Variants in SKAP2 observed in about 807,000 individuals in gnomAD.
The protein encoded by SKAP2 is src kinase associated phosphoprotein 2.
SKAP2 carries 28 observed loss-of-function variants against 54.9 expected under a neutral mutation model. The ratio of observed to expected loss-of-function variants is 0.51; its 90% CI spans 0.38 to 0.70. The LOEUF is 0.70. Among genes scored for constraint, SKAP2 ranks in the 30% least tolerant of loss-of-function variants. The pLI is 0.00. For missense variants in SKAP2, 356 were observed against 424.1 expected, an observed-to-expected ratio of 0.84 and a Z score of 1.41; for synonymous variants, 137 against 134.3, an observed-to-expected ratio of 1.02 and a Z score of -0.14.
chr7:26,688,268 A>G (rs1451634083), intron 10 of SKAP2, among the ~76,000 whole-genome samples: 1 of 152,188 alleles, frequency 6.6e-6, no homozygotes, highest in African/African-American at 2.4e-5. Flanking sequence ...AAAAAAATCA[A>G]ATGGAATCTT....
At chr7:26,824,942 C>T (rs1224523130) in intron 4 of SKAP2, among the ~76,000 whole-genome samples, 1 of 152,074 alleles carries the variant, frequency 6.6e-6, no homozygotes, top group Non-Finnish European at 1.5e-5. Context: ...AGAAAGAACT[C>T]CAGAGCATTA....
chr7:26,839,598 ATTT>A (rs1366961616), intron 4 of SKAP2, among the ~76,000 whole-genome samples: 1 of 151,918 alleles, frequency 6.6e-6, no homozygotes, highest in Non-Finnish European at 1.5e-5. Context: ...TTATTGAAAA[ATTT>A]TTTTTCTAGT....
intron 4 of SKAP2, among the ~76,000 whole-genome samples, chr7:26,832,126 C>T (rs1204466654): frequency 1.3e-5 from 2 of 152,186 alleles, no homozygotes; most frequent in African/African-American, 4.8e-5. Flanking sequence ...TAGCTTCTTC[C>T]TTCTTTAACC....
At chr7:26,661,353 G>A in the SKAP2 span, among the ~76,000 whole-genome samples, 4 of 152,070 alleles carry the variant, frequency 2.6e-5, no homozygotes, top group Non-Finnish European at 2.9e-5. Flanking sequence ...ACTAGAAAGT[G>A]TGTATTCACA....
intron 4 of SKAP2, among the ~76,000 whole-genome samples, chr7:26,751,794 C>G (rs894485088): frequency 1.3e-5 from 2 of 151,710 alleles, no homozygotes; most frequent in East Asian, 3.9e-4. Flanking sequence ...CCTTCTCCCC[C>G]CAAAAAGCAT....
intron 4 of SKAP2, among the ~76,000 whole-genome samples, chr7:26,823,450 C>CA (rs1784425885): frequency 7.7e-6 from 1 of 130,038 alleles, no homozygotes; most frequent in African/African-American, 2.7e-5. Context: ...AAAAAACAAG[C>CA]AAAAAGCAAA....
Position 26,685,452 on chromosome 7 carries a change from G to A in SKAP2, c.875-604C>T, listed in dbSNP as rs189804448. ...TTCTTTAGGGACATTTGTACCCAAA[G>A]CCAAAGTTATCTTTGAAAATTTTTA... On this transcript the variant is annotated intron_variant, in intron 10 of 12. Coordinates refer to ENST00000345317, the MANE Select transcript of SKAP2 (RefSeq NM_003930.5). Among the ~76,000 whole-genome samples, 1,002 of 152,266 alleles carry A rather than the reference G, an allele frequency of 6.6e-3. 9 individuals are homozygous for A. The highest frequency in any genetic ancestry group is 0.011 in the Non-Finnish European group (744 of 68,014).
chr7:26,832,257 A>G (rs570729701), intron 4 of SKAP2, among the ~76,000 whole-genome samples: 108 of 152,320 alleles, frequency 7.1e-4, no homozygotes, highest in African/African-American at 2.6e-3. Flanking sequence ...TTTACAGGAA[A>G]GAACAGTTCC....
intron 6 of SKAP2, among the ~76,000 whole-genome samples, chr7:26,736,103 G>C (rs1013247457): frequency 7.2e-5 from 11 of 152,284 alleles, no homozygotes; most frequent in African/African-American, 2.2e-4. Context: ...TTTTAAACCA[G>C]AGCAACTCCG....
intron 4 of SKAP2, among the ~76,000 whole-genome samples, chr7:26,823,479 T>C (rs1459181625): frequency 2.7e-5 from 4 of 146,554 alleles, no homozygotes; most frequent in South Asian, 2.2e-4. Context: ...ATTACTGATA[T>C]GGAGAAACTT....
Position 26,747,480 on chromosome 7 carries a change from C to T in SKAP2, c.308-7516G>A, listed in dbSNP as rs1431123258. On this transcript the variant is annotated intron_variant, in intron 4 of 12. Transcript: ENST00000345317. ...TCTCCTCCCTCCTCTGTAAAGTGGC[C>T]ATTTTGAAGGCTACCAAGCAAAAAC... Among the ~76,000 whole-genome samples, 10 of 152,174 alleles carry T rather than the reference C, an allele frequency of 6.6e-5. No individual in the cohort carries two copies. The East Asian group carries it at 1.7e-3, about 27-fold the overall frequency.
chr7:26,688,985 C>T (rs1786715174), intron 10 of SKAP2, among the ~76,000 whole-genome samples: 1 of 152,166 alleles, frequency 6.6e-6, no homozygotes, highest in African/African-American at 2.4e-5. Flanking sequence ...TTTATAGCTT[C>T]ATTTTATAGG....
At chr7:26,762,051 C>T (rs967938364) in intron 4 of SKAP2, among the ~76,000 whole-genome samples, 2 of 152,156 alleles carry the variant, frequency 1.3e-5, no homozygotes, top group Non-Finnish European at 2.9e-5. Flanking sequence ...GTCACCAATG[C>T]TATTTCATAC....
At position 26,738,882 on chromosome 7, in the gene SKAP2, C is replaced by T; in HGVS notation, c.386-4G>A. 6.4e-7 allele frequency: 1 copy of T among 1,572,384 alleles called. No individual in the cohort carries two copies. Among genetic ancestry groups the T allele is most frequent in the South Asian group, 1.1e-5 (1 of 90,146 alleles). ...TCAAATCCCAGAAAGCTGTGATCTG[C>T]AATAAAGAGGGGAAAATGTAAGGCC... On this transcript the variant is annotated splice_polypyrimidine_tract_variant and splice_region_variant and intron_variant, in intron 5 of 12. Coordinates refer to ENST00000345317, the MANE Select transcript of SKAP2 (RefSeq NM_003930.5).
chr7:26,815,087 CAAGAT>C (rs68123980), intron 4 of SKAP2, among the ~76,000 whole-genome samples: 12,692 of 150,688 alleles, frequency 0.084, 595 homozygotes, highest in Middle Eastern at 0.17. Context: ...AAATAAAACA[CAAGAT>C]AATATACAAA....
At chr7:26,664,007 T>A (rs187915519), downstream of SKAP2, among the ~76,000 whole-genome samples, 3 of 152,340 alleles carry the variant, frequency 2.0e-5, no homozygotes, top group Non-Finnish European at 2.9e-5. Context: ...TCTTTTCACA[T>A]GCTTCAGATT....
intron 4 of SKAP2, among the ~76,000 whole-genome samples, chr7:26,767,566 T>C (rs1025826408): frequency 1.3e-5 from 2 of 152,228 alleles, no homozygotes; most frequent in African/African-American, 2.4e-5. Context: ...TTGTCGATTT[T>C]AGATCTTTTC....
rs116381233 is a variant in SKAP2 at position 26,714,911 on chromosome 7, A to C, written c.796+10517T>G. Among the ~76,000 whole-genome samples, 572 of 152,334 alleles carry C rather than the reference A, an allele frequency of 3.8e-3. 7 individuals carry two copies. The highest frequency in any genetic ancestry group is 0.013 in the African/African-American group (556 of 41,584). ...ATATTCTATATGGGAGACAAATCATATCTGAAGAATGAAGACTCCAGTTTA... is the reference window on the plus strand; with the variant it reads ...ATATTCTATATGGGAGACAAATCATCTCTGAAGAATGAAGACTCCAGTTTA... On this transcript the variant is annotated intron_variant, in intron 9 of 12. Transcript: ENST00000345317.
intron 4 of SKAP2, among the ~76,000 whole-genome samples, chr7:26,767,775 G>A (rs928567840): frequency 4.6e-5 from 7 of 152,174 alleles, no homozygotes; most frequent in African/African-American, 1.4e-4. Flanking sequence ...GCAGTATTGA[G>A]TGAGTTTCTT....
Sources: allele counts gnomAD v4.1 joint callset (sites outside exome capture counted in the v4.1 genomes callset), GRCh38; gene constraint gnomAD v4.1.1; transcripts MANE v1.5; gene names NCBI Gene and HGNC (gene_info 2026-07-23, HGNC 2026-07-21).